ANKS6: variants seen among roughly 807,000 people sequenced by gnomAD.
ANKS6 encodes the protein ankyrin repeat and sterile alpha motif domain containing 6.
Under a neutral mutation model 77.9 loss-of-function variants are expected in ANKS6, and 47 were observed. The ratio of observed to expected loss-of-function variants is 0.60; its 90% confidence interval spans 0.48 to 0.77. The LOEUF (loss-of-function observed/expected upper bound fraction) is 0.77, where lower values mean the gene tolerates loss of function less well. Ranked by LOEUF, ANKS6 falls within the 30% of genes least tolerant of loss-of-function variation. The pLI is 0.00. For synonymous variants in ANKS6, 488 were observed against 501.7 expected, an observed-to-expected ratio of 0.97 and a Z score of 0.37; for missense variants, 1,150 against 1,159.1, an observed-to-expected ratio of 0.99 and a Z score of 0.11.
At position 98,783,979 on chromosome 9, in the gene ANKS6, C is replaced by T. The variant is rs755223284; in HGVS notation, c.1086G>A (p.Thr362=). The stretch of plus-strand genomic sequence containing the variant: ...CATGGTAGGTTGCCTGCATGAGGGC[C>T]GTCCAGCCATGCACGCTGTCCTGCT... ...VDKQDSVHGW[T]ALMQATYHGN... is the part of the protein sequence containing the mutation. Residue 362 remains threonine, a synonymous_variant, in exon 4 of 15, where the codon ACG becomes ACA. Transcript: ENST00000353234. 8 of 1,601,516 alleles carry T rather than the reference C, an allele frequency of 5.0e-6. No individual in the cohort carries two copies. Among genetic ancestry groups the T allele is most frequent in the African/African-American group, 1.3e-5 (1 of 74,618 alleles).
In ANKS6 at chr9:98,791,302, G is replaced by A. The variant is rs1029949193; in HGVS notation, c.360-696C>T. On this transcript the variant is annotated intron_variant, in intron 1 of 14. Coordinates refer to ENST00000353234, the MANE Select transcript of ANKS6 (RefSeq NM_173551.5). This position sits in a 1 kb window ranked among gnomAD's most constrained non-coding sequence, Gnocchi z 4.3. ...AAGAGGTGTGGCAAGGTTGTGGTCAGCAGATAGGCTGGGCATTGCGGCCTG... is the reference window on the plus strand; with the variant it reads ...AAGAGGTGTGGCAAGGTTGTGGTCAACAGATAGGCTGGGCATTGCGGCCTG... Among the ~76,000 whole-genome samples, 38 of 152,352 alleles carry A rather than the reference G, an allele frequency of 2.5e-4. No homozygotes were observed. The highest frequency in any genetic ancestry group is 7.9e-4 in the African/African-American group (33 of 41,582).
intron 11 of ANKS6, among the ~76,000 whole-genome samples, chr9:98,757,583 A>G (rs1483045270): frequency 1.3e-5 from 2 of 152,136 alleles, no homozygotes; most frequent in East Asian, 3.8e-4. Context: ...CATCACTTAC[A>G]TGAGGGGATG....
At position 98,753,707 on chromosome 9, in the gene ANKS6, A is replaced by C. The variant is rs572065542; in HGVS notation, c.2327-2611T>G. Among the ~76,000 whole-genome samples the C allele has an allele frequency of 4.6e-4, 70 of 152,230 alleles. 1 individual carries two copies. The highest frequency in any genetic ancestry group is 4.3e-3 in the Admixed American group (65 of 15,294). On this transcript the variant is annotated intron_variant, in intron 12 of 14. Transcript: ENST00000353234. Reference sequence around the variant, plus strand: ...CCATCATAGCCAATTTCAACCTACCAATCTAATGCCCCTGAAAGTGAAGCT... The same window carrying C: ...CCATCATAGCCAATTTCAACCTACCCATCTAATGCCCCTGAAAGTGAAGCT...
At chr9:98,775,032 C>T (rs368042711) in intron 8 of ANKS6, among the ~76,000 whole-genome samples, 5 of 152,234 alleles carry the variant, frequency 3.3e-5, no homozygotes, top group Admixed American at 3.3e-4. Flanking sequence ...AGTACACCTC[C>T]GGGGTTCCCA....
rs1831287148 is a variant in ANKS6 at position 98,733,020 on chromosome 9, A to G, written c.*3499T>C. The G allele has an allele frequency of 7.8e-6, 7 of 901,868 alleles. No homozygotes were observed. In the South Asian group the frequency reaches 3.2e-4, roughly 42 times the overall value. 55.9% of individuals were successfully genotyped at this position (901,868 alleles called of 1,614,324 possible). A position where few individuals can be genotyped will look rare whatever the true frequency, so the allele number is the denominator to read the frequency against. ...CCAGGCTGAGCCTGAGCCATCATCG[A>G]TGACTTTCCCTGAGCTGTATACCCA... is the stretch of plus-strand genomic sequence containing the variant. On this transcript the variant is annotated 3_prime_UTR_variant, in exon 15 of 15. Transcript: ENST00000353234.
At chr9:98,780,139 G>GC (rs754757200) in intron 6 of ANKS6, 50 bp downstream of exon 6, 48 of 1,606,168 alleles carry the variant, frequency 3.0e-5, no homozygotes, top group African/African-American at 6.7e-5. Context: ...CTCCCCGCCA[G>GC]CCCCCATCTC....
intron 13 of ANKS6, among the ~76,000 whole-genome samples, chr9:98,748,458 T>C (rs1832261344): frequency 6.6e-6 from 1 of 152,224 alleles, no homozygotes; most frequent in Non-Finnish European, 1.5e-5. Context: ...AGTTAAAACA[T>C]ATTTCTTAGT....
chr9:98,749,498 AAGGACAGGTGAACTCGC>A (rs1197188472), intron 13 of ANKS6, among the ~76,000 whole-genome samples: 1 of 152,240 alleles, frequency 6.6e-6, no homozygotes, highest in Non-Finnish European at 1.5e-5. Context: ...CTGAACGATG[AAGGACAGGTGAACTCGC>A]AGACATGCCA....
chr9:98,769,629 A>T (rs922796677), intron 10 of ANKS6, among the ~76,000 whole-genome samples: 1 of 152,248 alleles, frequency 6.6e-6, no homozygotes, highest in Non-Finnish European at 1.5e-5. Flanking sequence ...AGCAGTTTAT[A>T]GTTTAGAAAG....
chr9:98,736,385 G>C lies in ANKS6; in HGVS notation c.*134C>G. The stretch of plus-strand genomic sequence containing the variant: ...TACTACCAATGAATGCCGTCGACGT[G>C]AAGTGGGCATCCCGAGCAAAGGGAA... On this transcript the variant is annotated 3_prime_UTR_variant, in exon 15 of 15. Coordinates refer to ENST00000353234, the MANE Select transcript of ANKS6 (RefSeq NM_173551.5). The C allele has an allele frequency of 7.0e-7, 1 of 1,434,138 alleles. No homozygotes were observed. Among genetic ancestry groups the C allele is most frequent in the Non-Finnish European group, 9.1e-7 (1 of 1,096,092 alleles). The allele number at this position is 1,434,138 out of a possible 1,614,324, so 88.8% of individuals were successfully genotyped here.
At chr9:98,758,869 G>A (rs1171886951) in intron 11 of ANKS6, among the ~76,000 whole-genome samples, 1 of 151,950 alleles carries the variant, frequency 6.6e-6, no homozygotes, top group East Asian at 1.9e-4. Context: ...CCCATATCCT[G>A]GTAAGAAAAA....
intron 13 of ANKS6, 74 bp from the exon 14 acceptor site, chr9:98,745,749 T>A: frequency 8.9e-7 from 1 of 1,121,568 alleles, no homozygotes; most frequent in Non-Finnish European, 1.4e-6. Context: ...AGCAATCTCA[T>A]GATTATGAGC....
intron 7 of ANKS6, 46 bp downstream of exon 7, chr9:98,778,180 C>T: frequency 6.2e-7 from 1 of 1,605,264 alleles, no homozygotes; most frequent in Non-Finnish European, 8.5e-7. Flanking sequence ...AGGGTACAGG[C>T]TCAGACCATT....
intron 14 of ANKS6, among the ~76,000 whole-genome samples, chr9:98,744,677 T>A (rs931656828): frequency 6.6e-6 from 1 of 151,710 alleles, no homozygotes; most frequent in Non-Finnish European, 1.5e-5. Context: ...TCTCCACATA[T>A]CGTGGAACAC....
At chr9:98,754,662 G>A (rs1832604918) in intron 12 of ANKS6, among the ~76,000 whole-genome samples, 1 of 151,928 alleles carries the variant, frequency 6.6e-6, no homozygotes, top group African/African-American at 2.4e-5. Context: ...AAGCTCTTCG[G>A]GGATGGATTG....
intron 11 of ANKS6, among the ~76,000 whole-genome samples, chr9:98,762,456 A>T (rs1057457116): frequency 6.6e-6 from 1 of 152,210 alleles, no homozygotes; most frequent in Admixed American, 6.5e-5. Flanking sequence ...TATTTGGTAC[A>T]AAGTTGACAG....
In ANKS6 at chr9:98,768,145, G is replaced by A. The variant is rs756412369; in HGVS notation, c.2078C>T (p.Ala693Val). 17 of 1,613,652 alleles carry A rather than the reference G, an allele frequency of 1.1e-5. No homozygotes were observed. The highest frequency in any genetic ancestry group is 1.0e-4 in the Admixed American group (6 of 59,990). ...PSHRSSPVGP[A>V]PGSSPSELPA... ...AAGCTCAGACGGGCTGGACCCCGGTGCTGGCCCCACAGGGCTTGACCGATG... is the reference window on the plus strand; with the variant it reads ...AAGCTCAGACGGGCTGGACCCCGGTACTGGCCCCACAGGGCTTGACCGATG... Residue 693 changes from alanine (A) to valine (V), a missense_variant, in exon 11 of 15, where the codon GCA (alanine) becomes GTA (valine). Ala to Val is a moderately conservative substitution (Grantham distance 64). Transcript: ENST00000353234.
intron 10 of ANKS6, among the ~76,000 whole-genome samples, chr9:98,769,563 A>G (rs1293437908): frequency 6.6e-6 from 1 of 152,262 alleles, no homozygotes; most frequent in Non-Finnish European, 1.5e-5. Flanking sequence ...ATGTATCAAC[A>G]TAAAAAGGTG....
At chr9:98,759,980 G>T (rs1832924165) in intron 11 of ANKS6, among the ~76,000 whole-genome samples, 1 of 151,958 alleles carries the variant, frequency 6.6e-6, no homozygotes, top group Non-Finnish European at 1.5e-5. Context: ...GGAGGATATT[G>T]AATCTTCCCA....
Sources: allele counts gnomAD v4.1 joint callset (sites outside exome capture counted in the v4.1 genomes callset), GRCh38; gene constraint gnomAD v4.1.1; non-coding constraint Gnocchi (gnomAD v3.1); transcripts MANE v1.5; gene names NCBI Gene and HGNC (gene_info 2026-07-23, HGNC 2026-07-21).